Variants in SGK1 observed in about 807,000 individuals in gnomAD.
SGK1 encodes the protein serine/threonine-protein kinase Sgk1.
A neutral mutation model predicts 64.2 loss-of-function variants in SGK1; 26 were observed. The ratio of observed to expected loss-of-function variants is 0.40; its 90% CI spans 0.30 to 0.56. SGK1 has a LOEUF of 0.56. SGK1 is among the 20% of genes least tolerant of loss of function. The pLI is 0.38. For synonymous variants in SGK1, 265 were observed against 239.7 expected, an observed-to-expected ratio of 1.11 and a Z score of -0.98; for missense variants, 519 against 645.6, an observed-to-expected ratio of 0.80 and a Z score of 2.12.
At chr6:134,316,866 C>T (rs981402157) in intron 1 of SGK1, among the ~76,000 whole-genome samples, 1 of 150,342 alleles carries the variant, frequency 6.7e-6, no homozygotes, top group Non-Finnish European at 1.5e-5. Flanking sequence ...GGTCATTCTA[C>T]TCCTTTGCTA....
intron 3 of SGK1, among the ~76,000 whole-genome samples, chr6:134,206,815 C>T (rs1215423083): frequency 5.6e-5 from 8 of 142,840 alleles, no homozygotes; most frequent in Non-Finnish European, 7.6e-5. Flanking sequence ...TGCAGTGAGC[C>T]GAGATCGTAC....
In SGK1 at chr6:134,246,577, G is replaced by GTTTGTA. The variant is rs1367781967; in HGVS notation, c.285+15350_285+15355dup. ...TTGAACCTCTCAGCAACCCTGTTAA[G>GTTTGTA]TTTGTATTTGTATTTGTATTTATTT... On this transcript the variant is annotated intron_variant, in intron 2 of 13. Coordinates refer to ENST00000367858, the MANE Select transcript of SGK1 (RefSeq NM_001143676.3). Among the ~76,000 whole-genome samples the GTTTGTA allele has an allele frequency of 2.6e-5, 4 of 152,148 alleles. No homozygotes were observed. In the East Asian group the frequency reaches 5.8e-4, roughly 22 times the overall value.
rs927884323 is a variant in SGK1, at chr6:134,318,109, A to C, written c.-649T>G. ...GCCGGCTCAGGGCACACTGAAGAGC[A>C]GTTGACTCCCCTTGGGAGGGTTACT... On this transcript the variant is annotated 5_prime_UTR_variant, in exon 1 of 14. Coordinates refer to ENST00000367858, the MANE Select transcript of SGK1 (RefSeq NM_001143676.3). 3.3e-5 allele frequency: 5 copies of C among 151,796 alleles called. No individual in the cohort carries two copies. The highest frequency in any genetic ancestry group is 9.7e-5 in the African/African-American group (4 of 41,290). 9.4% of individuals were successfully genotyped at this position (151,796 alleles called of 1,614,324 possible).
At chr6:134,315,761 T>C (rs1214818450) in intron 1 of SGK1, among the ~76,000 whole-genome samples, 1 of 152,124 alleles carries the variant, frequency 6.6e-6, no homozygotes, top group Non-Finnish European at 1.5e-5. Context: ...AAATTAGGGC[T>C]GGGCCTGGTG....
intron 1 of SGK1, among the ~76,000 whole-genome samples, chr6:134,286,742 C>A (rs1004970650): frequency 2.6e-5 from 4 of 152,120 alleles, no homozygotes; most frequent in African/African-American, 7.2e-5. Flanking sequence ...GCTGAGATTA[C>A]AGGCGTGAGC....
intron 2 of SGK1, chr6:134,211,465 C>T (rs1322896695): frequency 1.3e-5 from 2 of 159,274 alleles, no homozygotes; most frequent in Admixed American, 1.3e-4. Context: ...CTACAAGAGC[C>T]ATTAGTGAAA....
Position 134,191,835 on chromosome 6 carries a change from A to ATTTTTTTTTTTTTTTT in SGK1, c.361+15505_361+15520dup, listed in dbSNP as rs71003671. ...AGGCATGCGCCACCACGCCCGGCTGATTTTTTTTTTTTTTTTTTGAGACAG... is the reference window on the plus strand; with the variant it reads ...AGGCATGCGCCACCACGCCCGGCTGATTTTTTTTTTTTTTTTTTTTTTTTTTTTTTTTTTGAGACAG... On this transcript the variant is annotated intron_variant, in intron 3 of 13. Coordinates refer to ENST00000367858, the MANE Select transcript of SGK1 (RefSeq NM_001143676.3). Among the ~76,000 whole-genome samples the ATTTTTTTTTTTTTTTT allele has an allele frequency of 6.4e-4, 39 of 61,202 alleles. 9 individuals carry two copies. The highest frequency in any genetic ancestry group is 2.1e-3 in the African/African-American group (31 of 14,866). 40.2% of individuals were successfully genotyped at this position (61,202 alleles called of 152,430 possible).
intron 3 of SGK1, among the ~76,000 whole-genome samples, chr6:134,193,223 A>G (rs1364255943): frequency 6.6e-6 from 1 of 152,230 alleles, no homozygotes; most frequent in African/African-American, 2.4e-5. Context: ...CACAAACTGA[A>G]AACCTAATTT....
intron 1 of SGK1, among the ~76,000 whole-genome samples, chr6:134,307,760 G>T (rs1395558534): frequency 6.6e-6 from 1 of 152,088 alleles, no homozygotes; most frequent in Non-Finnish European, 1.5e-5. Flanking sequence ...TGGAACCCGT[G>T]AATACCTGGA....
intron 2 of SGK1, among the ~76,000 whole-genome samples, chr6:134,208,678 AT>A (rs1562251357): frequency 6.6e-6 from 1 of 151,994 alleles, no homozygotes; most frequent in African/African-American, 2.4e-5. Context: ...ATGGTCTCCA[AT>A]TCCATCCAGG....
At chr6:134,174,726 A>G in intron 3 of SGK1, 140 bp from the exon 4 acceptor site, 1 of 1,614,106 alleles carries the variant, frequency 6.2e-7, no homozygotes, top group Non-Finnish European at 8.5e-7. Flanking sequence ...AGATTCCTGC[A>G]CTCACCGATG....
intron 1 of SGK1, among the ~76,000 whole-genome samples, chr6:134,262,893 T>C (rs1206416900): frequency 6.6e-6 from 1 of 151,472 alleles, no homozygotes; most frequent in Non-Finnish European, 1.5e-5. Context: ...AAAATAACTT[T>C]TTTTTTTTTT....
intron 3 of SGK1, among the ~76,000 whole-genome samples, chr6:134,206,179 T>C (rs1775765093): frequency 1.3e-5 from 2 of 151,618 alleles, no homozygotes; most frequent in Non-Finnish European, 2.9e-5. Context: ...TGATTCACCC[T>C]AGGTTTTCAA....
intron 3 of SGK1, chr6:134,176,069 T>C: frequency 1.2e-6 from 1 of 825,830 alleles, no homozygotes; most frequent in Non-Finnish European, 1.5e-6. Flanking sequence ...CTTGCATTTT[T>C]AATCTCTGCC....
Position 134,225,924 on chromosome 6 carries a change from C to CA in SGK1, c.286-18494dup, listed in dbSNP as rs1471605188. Among the ~76,000 whole-genome samples, 396 of 145,798 alleles carry CA rather than the reference C, an allele frequency of 2.7e-3. 3 individuals carry two copies. Among genetic ancestry groups the CA allele is most frequent in the African/African-American group, 8.2e-3 (330 of 40,164 alleles). On this transcript the variant is annotated intron_variant, in intron 2 of 13. Coordinates refer to ENST00000367858, the MANE Select transcript of SGK1 (RefSeq NM_001143676.3). ...TCCATCTCTACCAAAAAAACAAAAA[C>CA]AAAAAAAACAAAAAAAAACAAAAAA...
chr6:134,170,910 C>T lies in SGK1; in HGVS notation c.1329G>A (p.Glu443=). The T allele has an allele frequency of 6.2e-7, 1 of 1,611,224 alleles. No homozygotes were observed. The highest frequency in any genetic ancestry group is 8.5e-7 in the Non-Finnish European group (1 of 1,177,452). ...KRLGAKDDFM[E]IKSHVFFSLI... Reference sequence around the variant, plus strand: ...AGGAGAAGAAGACATGACTCTTAATCTCCATCTGTTGATAAGAAACCCAAG... The same window carrying T: ...AGGAGAAGAAGACATGACTCTTAATTTCCATCTGTTGATAAGAAACCCAAG... Residue 443 remains glutamate (E), a synonymous_variant, in exon 13 of 14, where the codon GAG becomes GAA. Transcript: ENST00000367858.
rs372156281 is a variant in SGK1, at chr6:134,170,225, G to C, written c.*43C>G. 6.5e-7 allele frequency: 1 copy of C among 1,529,492 alleles called. No homozygotes were observed. Among genetic ancestry groups the C allele is most frequent in the African/African-American group, 1.4e-5 (1 of 72,490 alleles). 94.7% of individuals were successfully genotyped at this position (1,529,492 alleles called of 1,614,324 possible). A position where few individuals can be genotyped will look rare whatever the true frequency, so the allele number is the denominator to read the frequency against. ...CACCAAAAGGCTAACTAAAACATTC[G>C]GAAACACACATAAAATCCTTTAAAA... On this transcript the variant is annotated 3_prime_UTR_variant, in exon 14 of 14. Transcript: ENST00000367858.
intron 2 of SGK1, chr6:134,259,990 T>C (rs1369049436): frequency 1.3e-5 from 2 of 152,178 alleles, no homozygotes; most frequent in Non-Finnish European, 2.9e-5. Context: ...TGATTTATAT[T>C]TGCATGGCAT....
chr6:134,177,755 G>T lies in SGK1; in HGVS notation c.362-3169C>A. 15 of 1,614,002 alleles carry T rather than the reference G, an allele frequency of 9.3e-6. 1 individual carries two copies. Among genetic ancestry groups the T allele is most frequent in the Non-Finnish European group, 1.3e-5 (15 of 1,179,852 alleles). On this transcript the variant is annotated intron_variant, in intron 3 of 13. Coordinates refer to ENST00000367858, the MANE Select transcript of SGK1 (RefSeq NM_001143676.3). Reference sequence around the variant, plus strand: ...ATTACTTCTGGAGGCTGGAGGTAGAGCCCAGTTATGGCTGGAATAAGCCTC... The same window carrying T: ...ATTACTTCTGGAGGCTGGAGGTAGATCCCAGTTATGGCTGGAATAAGCCTC...
Sources: gnomAD v4.1 joint callset for allele counts (sites outside exome capture counted in the v4.1 genomes callset) on GRCh38, gnomAD v4.1.1 for gene constraint, MANE v1.5 for transcripts, NCBI Gene and HGNC (gene_info 2026-07-23, HGNC 2026-07-21) for gene names.